TRHDE: variants seen among roughly 807,000 people sequenced by gnomAD.
The protein encoded by TRHDE is thyrotropin releasing hormone degrading enzyme, also known as thyrotropin-releasing hormone-degrading ectoenzyme.
TRHDE carries 72 observed loss-of-function variants against 125.7 expected under a neutral mutation model. The observed-to-expected ratio is 0.57, with a 90% CI of 0.47 to 0.70. TRHDE has a LOEUF of 0.70. Ranked by LOEUF, TRHDE falls within the 30% of genes least tolerant of loss-of-function variation. The pLI is 0.00. For synonymous variants in TRHDE, 509 were observed against 509.1 expected (o/e 1.00, Z 0.00); for missense variants, 1,110 against 1,327.1 (o/e 0.84, Z 2.54).
chr12:72,087,665 G>T (rs1178479372), intron 1 of TRHDE, among the ~76,000 whole-genome samples: 1 of 152,140 alleles, frequency 6.6e-6, no homozygotes, highest in Non-Finnish European at 1.5e-5. Flanking sequence ...GACATGGCAT[G>T]GGATAGCATG....
chr12:72,230,595 G>C (rs578073648), intron 2 of TRHDE, among the ~76,000 whole-genome samples: 2 of 152,056 alleles, frequency 1.3e-5, no homozygotes, highest in South Asian at 4.2e-4. Context: ...CTACTAGATA[G>C]AGAAATCCTA....
upstream of TRHDE, among the ~76,000 whole-genome samples, chr12:72,269,308 T>G (rs192951829): frequency 6.6e-5 from 10 of 152,290 alleles, no homozygotes; most frequent in East Asian, 1.9e-3. Context: ...TTGATCTTGA[T>G]AGTAAGTTTT....
intron 2 of TRHDE, among the ~76,000 whole-genome samples, chr12:72,350,758 G>T (rs1870546153): frequency 6.6e-6 from 1 of 151,946 alleles, no homozygotes; most frequent in Admixed American, 6.6e-5. Context: ...ATATGTGAAT[G>T]GATATTAACA....
rs1445782173 is a variant in TRHDE at position 72,666,075 on chromosome 12, A to G, written c.*2880A>G. On this transcript the variant is annotated 3_prime_UTR_variant, in exon 19 of 19. Coordinates refer to ENST00000261180, the MANE Select transcript of TRHDE (RefSeq NM_013381.3). ...AGTATTATTTACAAATATTATAAGT[A>G]TAATATCTTGTGAGGCTATTATTAA... The G allele has an allele frequency of 6.6e-6, 1 of 151,864 alleles. No individual in the cohort carries two copies. Among genetic ancestry groups the G allele is most frequent in the East Asian group, 1.9e-4 (1 of 5,188 alleles). 9.4% of individuals were successfully genotyped at this position (151,864 alleles called of 1,614,324 possible).
chr12:72,418,229 C>CT (rs898591989), intron 3 of TRHDE, among the ~76,000 whole-genome samples: 4 of 151,910 alleles, frequency 2.6e-5, no homozygotes, highest in African/African-American at 9.7e-5. Flanking sequence ...CAGTGTTTCT[C>CT]TTTTTGTGTT....
chr12:72,483,546 T>G (rs575454500), intron 5 of TRHDE, among the ~76,000 whole-genome samples: 1 of 152,142 alleles, frequency 6.6e-6, no homozygotes, highest in African/African-American at 2.4e-5. Flanking sequence ...ATTTTTATAC[T>G]TTATAAATGG....
chr12:72,145,535 T>C (rs566621289), intron 2 of TRHDE, among the ~76,000 whole-genome samples: 20 of 152,326 alleles, frequency 1.3e-4, no homozygotes, highest in African/African-American at 4.8e-4. Flanking sequence ...TGAAGTTTCA[T>C]AGATGGTTCT....
intron 15 of TRHDE, among the ~76,000 whole-genome samples, chr12:72,627,508 C>T (rs1323733014): frequency 6.6e-6 from 1 of 151,770 alleles, no homozygotes; most frequent in African/African-American, 2.4e-5. Flanking sequence ...TCACAGTTAT[C>T]ATCAAAATCA....
At chr12:72,497,142 G>A (rs368595154) in intron 5 of TRHDE, among the ~76,000 whole-genome samples, 122 of 151,794 alleles carry the variant, frequency 8.0e-4, no homozygotes, top group African/African-American at 2.8e-3. Flanking sequence ...CAGATAAATC[G>A]TTTGCTAATG....
intron 5 of TRHDE, among the ~76,000 whole-genome samples, chr12:72,497,507 T>C (rs1877971849): frequency 6.6e-6 from 1 of 152,174 alleles, no homozygotes; most frequent in South Asian, 2.1e-4. Context: ...GAATGGCTTG[T>C]AATAGAGCAG....
chr12:72,377,506 C>G (rs776468145), intron 2 of TRHDE, among the ~76,000 whole-genome samples: 1 of 151,962 alleles, frequency 6.6e-6, no homozygotes, highest in Admixed American at 6.6e-5. Flanking sequence ...GGAATAAAGA[C>G]AGTTGATTCC....
chr12:72,578,940 T>C (rs1871119770), intron 12 of TRHDE, among the ~76,000 whole-genome samples: 1 of 151,752 alleles, frequency 6.6e-6, no homozygotes, highest in Non-Finnish European at 1.5e-5. Context: ...ATTTGGCATG[T>C]ATTTATCTAG....
chr12:72,175,887 A>C (rs574091448), intron 2 of TRHDE, among the ~76,000 whole-genome samples: 1 of 152,344 alleles, frequency 6.6e-6, no homozygotes, highest in Non-Finnish European at 1.5e-5. Flanking sequence ...CATATATTGC[A>C]GGCTGGGATC....
intron 5 of TRHDE, among the ~76,000 whole-genome samples, chr12:72,492,481 T>C (rs1877726178): frequency 6.6e-6 from 1 of 151,918 alleles, no homozygotes; most frequent in Non-Finnish European, 1.5e-5. Flanking sequence ...TGCTATATGC[T>C]TACAAAAGAT....
intron 15 of TRHDE, among the ~76,000 whole-genome samples, chr12:72,628,656 G>C (rs532783542): frequency 6.6e-6 from 1 of 151,820 alleles, no homozygotes; most frequent in South Asian, 2.1e-4. Context: ...CAAGTGTTTT[G>C]GAAAAGCTAT....
At chr12:72,164,891 AT>A (rs1876711551) in intron 2 of TRHDE, among the ~76,000 whole-genome samples, 1 of 152,152 alleles carries the variant, frequency 6.6e-6, no homozygotes, top group Non-Finnish European at 1.5e-5. Context: ...CCACTTCCAG[AT>A]TCCCAAGCTT....
chr12:72,583,028 T>C (rs1565799129), intron 12 of TRHDE, among the ~76,000 whole-genome samples: 1 of 152,206 alleles, frequency 6.6e-6, no homozygotes, highest in Non-Finnish European at 1.5e-5. Context: ...TTGAATGTAT[T>C]GTTTATTGCT....
chr12:72,509,269 C>T (rs778402552), intron 6 of TRHDE, among the ~76,000 whole-genome samples: 9 of 151,372 alleles, frequency 5.9e-5, no homozygotes, highest in Admixed American at 1.3e-4. Context: ...TAATAACCAC[C>T]GCACCCCCCC....
intron 2 of TRHDE, among the ~76,000 whole-genome samples, chr12:72,173,915 T>C (rs1876934055): frequency 6.6e-6 from 1 of 152,182 alleles, no homozygotes; most frequent in African/African-American, 2.4e-5. Flanking sequence ...GTATGATGCA[T>C]TGCAAAATGG....
Sources: allele counts gnomAD v4.1 joint callset (sites outside exome capture counted in the v4.1 genomes callset), GRCh38; gene constraint gnomAD v4.1.1; transcripts MANE v1.5; gene names NCBI Gene and HGNC (gene_info 2026-07-23, HGNC 2026-07-21).